Variants in KCNT2 observed in about 807,000 individuals in gnomAD.
KCNT2 encodes the protein potassium channel subfamily T member 2.
A neutral mutation model predicts 153.8 loss-of-function variants in KCNT2; 67 were observed. The ratio of observed to expected loss-of-function variants is 0.44; its 90% CI spans 0.36 to 0.53. The LOEUF is 0.53. Ranked by LOEUF, KCNT2 falls within the 20% of genes least tolerant of loss-of-function variation. The pLI, the probability that KCNT2 is intolerant of heterozygous loss-of-function variation, is 0.00. For synonymous variants in KCNT2, 500 were observed against 458.8 expected, an observed-to-expected ratio of 1.09 and a Z score of -1.15; for missense variants, 975 against 1,354.8, an observed-to-expected ratio of 0.72 and a Z score of 4.40.
intron 26 of KCNT2, among the ~76,000 whole-genome samples, chr1:196,247,097 T>C (rs1334612077): frequency 6.6e-6 from 1 of 152,062 alleles, no homozygotes; most frequent in Non-Finnish European, 1.5e-5. Flanking sequence ...GAAAAAGACA[T>C]TCCATGCCAA....
intron 1 of KCNT2, among the ~76,000 whole-genome samples, chr1:196,510,473 CA>C (rs1472325268): frequency 1.3e-5 from 2 of 152,124 alleles, no homozygotes; most frequent in Non-Finnish European, 2.9e-5. Flanking sequence ...TTTGTTATTA[CA>C]TATTTTTTCT....
intron 12 of KCNT2, among the ~76,000 whole-genome samples, chr1:196,418,679 C>A (rs12069990): frequency 6.6e-6 from 1 of 151,906 alleles, no homozygotes; most frequent in Non-Finnish European, 1.5e-5. Context: ...ATCTTATTCT[C>A]CTCTTACAAG....
chr1:196,480,729 G>C (rs1176701936), intron 4 of KCNT2, among the ~76,000 whole-genome samples: 1 of 151,464 alleles, frequency 6.6e-6, no homozygotes, highest in Non-Finnish European at 1.5e-5. Flanking sequence ...GGTGGCGGGC[G>C]CCTGTAGTCC....
At chr1:196,309,555 G>GA (rs1661964164) in intron 21 of KCNT2, among the ~76,000 whole-genome samples, 1 of 151,762 alleles carries the variant, frequency 6.6e-6, no homozygotes, top group Non-Finnish European at 1.5e-5. Flanking sequence ...TGTTATTTTG[G>GA]ACTGAGAAAC....
At chr1:196,292,811 CAAAA>C (rs750026564) in intron 22 of KCNT2, among the ~76,000 whole-genome samples, 17 of 69,290 alleles carry the variant, frequency 2.5e-4, no homozygotes, top group African/African-American at 6.5e-4. Flanking sequence ...GACTCTGTCT[CAAAA>C]AAAAAAAAAA....
intron 13 of KCNT2, among the ~76,000 whole-genome samples, chr1:196,383,375 G>A (rs146921420): frequency 2.6e-5 from 4 of 152,196 alleles, no homozygotes; most frequent in Admixed American, 1.3e-4. Context: ...TGGATGTCAT[G>A]GCAATGTCAA....
At chr1:196,603,912 A>G (rs1446281734) in intron 1 of KCNT2, among the ~76,000 whole-genome samples, 1 of 152,260 alleles carries the variant, frequency 6.6e-6, no homozygotes, top group Non-Finnish European at 1.5e-5. Flanking sequence ...GATGACTTTT[A>G]AAACCTGTAA....
chr1:196,462,143 A>T (rs1030674574), intron 8 of KCNT2, among the ~76,000 whole-genome samples: 3 of 151,706 alleles, frequency 2.0e-5, no homozygotes, highest in African/African-American at 7.2e-5. Flanking sequence ...AGTCCAAAAA[A>T]TAGTTCACTT....
At chr1:196,429,514 A>G (rs552950177) in intron 9 of KCNT2, 63 bp downstream of exon 9, 2 of 1,067,010 alleles carry the variant, frequency 1.9e-6, no homozygotes, top group South Asian at 2.1e-5. Flanking sequence ...TTCTTATTAA[A>G]TGTGGAGGAT....
At chr1:196,541,411 A>G (rs766112360) in intron 1 of KCNT2, among the ~76,000 whole-genome samples, 3 of 151,360 alleles carry the variant, frequency 2.0e-5, no homozygotes, top group Non-Finnish European at 2.9e-5. Flanking sequence ...TTTTTTTTCT[A>G]TTTTTAAATG....
At chr1:196,505,684 A>G (rs1213661092) in intron 1 of KCNT2, among the ~76,000 whole-genome samples, 2 of 152,000 alleles carry the variant, frequency 1.3e-5, no homozygotes, top group African/African-American at 4.8e-5. Context: ...CAGTATGGAC[A>G]TTTTCACGAT....
chr1:196,485,637 A>AT (rs1327971330), intron 3 of KCNT2, among the ~76,000 whole-genome samples: 1 of 151,876 alleles, frequency 6.6e-6, no homozygotes, highest in South Asian at 2.1e-4. Flanking sequence ...TTCAGAATCC[A>AT]TAAAAAAAAA....
At chr1:196,260,921 C>T (rs766193364) in intron 25 of KCNT2, among the ~76,000 whole-genome samples, 6 of 151,760 alleles carry the variant, frequency 4.0e-5, no homozygotes, top group Non-Finnish European at 8.9e-5. Flanking sequence ...TAAACTTTCA[C>T]ATATAACAAT....
chr1:196,441,968 A>G (rs1557939690), intron 8 of KCNT2, among the ~76,000 whole-genome samples: 1 of 151,838 alleles, frequency 6.6e-6, no homozygotes, highest in Admixed American at 6.6e-5. Flanking sequence ...AAGAAGGATG[A>G]TTAAAGTAGA....
intron 1 of KCNT2, among the ~76,000 whole-genome samples, chr1:196,525,240 A>T (rs1057136888): frequency 2.6e-5 from 4 of 152,164 alleles, no homozygotes; most frequent in Admixed American, 6.5e-5. Context: ...AAAAAAAATC[A>T]GTTGTCTGCA....
intron 21 of KCNT2, among the ~76,000 whole-genome samples, chr1:196,313,833 A>C (rs1235651473): frequency 6.6e-6 from 1 of 151,620 alleles, no homozygotes; most frequent in Non-Finnish European, 1.5e-5. Flanking sequence ...GCTCAAAACT[A>C]TTCAGTCTAG....
chr1:196,279,669 C>G (rs1658910800), intron 25 of KCNT2, among the ~76,000 whole-genome samples: 1 of 151,494 alleles, frequency 6.6e-6, no homozygotes, highest in Non-Finnish European at 1.5e-5. Context: ...ACCTTGTGAT[C>G]TACCTGCCTA....
intron 18 of KCNT2, among the ~76,000 whole-genome samples, chr1:196,328,528 G>T (rs1664112363): frequency 6.6e-6 from 1 of 150,614 alleles, no homozygotes; most frequent in Non-Finnish European, 1.5e-5. Context: ...CAGACACAGA[G>T]AAAAGAGCCA....
At chr1:196,554,580 A>T (rs1306050979) in intron 1 of KCNT2, among the ~76,000 whole-genome samples, 2 of 151,130 alleles carry the variant, frequency 1.3e-5, no homozygotes, top group Non-Finnish European at 3.0e-5. Context: ...ACTAATACCA[A>T]TCCTACTCAA....
Sources: allele counts gnomAD v4.1 joint callset (sites outside exome capture counted in the v4.1 genomes callset), GRCh38; gene constraint gnomAD v4.1.1; transcripts MANE v1.5; gene names NCBI Gene and HGNC (gene_info 2026-07-23, HGNC 2026-07-21).